The following KITLG variants were observed in gnomAD, a reference collection of about 807,000 sequenced individuals.
KITLG encodes the protein KIT ligand.
Under a neutral mutation model 34.1 loss-of-function variants are expected in KITLG, and 13 were observed. That is an observed-to-expected ratio of 0.38 (90% CI 0.25 to 0.61). The LOEUF (loss-of-function observed/expected upper bound fraction) is 0.61, where lower values mean the gene tolerates loss of function less well. Ranked by LOEUF, KITLG falls within the 20% of genes least tolerant of loss-of-function variation. The pLI, the probability that KITLG is intolerant of heterozygous loss-of-function variation, is 0.60. For missense variants in KITLG, 292 were observed against 318.9 expected, an observed-to-expected ratio of 0.92 and a Z score of 0.64; for synonymous variants, 110 against 104.0, an observed-to-expected ratio of 1.06 and a Z score of -0.35.
At chr12:88,560,023 G>C (rs1871246044) in intron 1 of KITLG, among the ~76,000 whole-genome samples, 1 of 152,204 alleles carries the variant, frequency 6.6e-6, no homozygotes. Context: ...ATCAAAGTAA[G>C]ATATGGATTC....
At chr12:88,559,759 T>C (rs1479076988) in intron 1 of KITLG, among the ~76,000 whole-genome samples, 1 of 152,222 alleles carries the variant, frequency 6.6e-6, no homozygotes, top group Non-Finnish European at 1.5e-5. Context: ...AGGCAATCCA[T>C]GAGAGTTTAA....
Position 88,515,578 on chromosome 12 carries a change from G to A in KITLG, c.560C>T (p.Pro187Leu). 6.2e-7 allele frequency: 1 copy of A among 1,610,756 alleles called. No individual in the cohort carries two copies. The highest frequency in any genetic ancestry group is 8.5e-7 in the Non-Finnish European group (1 of 1,177,462). ...VSVTKPFMLP[P>L]VAASSLRNDS... is the part of the protein sequence containing the mutation. ...ATTCCTAAGGGAGCTGGCTGCAACA[G>A]GGGGTAACATAAATGGTTTTGTGAC... The change falls in exon 6 of 10, where the codon CCT becomes CTT. Residue 187 changes from proline to leucine, a missense_variant. By Grantham distance (98) the Pro-to-Leu change is moderately conservative. This residue lies in a region of KITLG where 140 missense variants were observed against 111.0 expected (regional missense o/e 1.26). Coordinates refer to ENST00000644744, the MANE Select transcript of KITLG (RefSeq NM_000899.5).
intron 1 of KITLG, among the ~76,000 whole-genome samples, chr12:88,575,417 C>G (rs976698256): frequency 6.6e-6 from 1 of 152,050 alleles, no homozygotes; most frequent in African/African-American, 2.4e-5. Flanking sequence ...AAAATCACTC[C>G]CCCACCTCTT....
At chr12:88,534,592 C>G (rs1163370492) in intron 2 of KITLG, 2 of 433,284 alleles carry the variant, frequency 4.6e-6, no homozygotes, top group African/African-American at 2.1e-5. Flanking sequence ...GTCTCAAACT[C>G]CTGGCCTCAA....
chr12:88,518,989 A>C (rs1869560688), intron 3 of KITLG, 122 bp from the exon 4 acceptor site: 2 of 852,682 alleles, frequency 2.3e-6, no homozygotes, highest in South Asian at 2.9e-5. Context: ...CAGCCTCTCG[A>C]GTAGCTCAGA....
chr12:88,530,226 C>T (rs1197862821), intron 3 of KITLG, among the ~76,000 whole-genome samples: 1 of 152,084 alleles, frequency 6.6e-6, no homozygotes, highest in Non-Finnish European at 1.5e-5. Context: ...AACACTTTCC[C>T]TAAGTGTTGT....
At chr12:88,527,059 G>C (rs559755802) in intron 3 of KITLG, among the ~76,000 whole-genome samples, 1 of 151,804 alleles carries the variant, frequency 6.6e-6, no homozygotes, top group Non-Finnish European at 1.5e-5. Context: ...TAGTATAGAC[G>C]GGGTTTCACT....
intron 1 of KITLG, among the ~76,000 whole-genome samples, chr12:88,559,799 G>C (rs965793224): frequency 2.6e-5 from 4 of 152,142 alleles, no homozygotes; most frequent in Non-Finnish European, 5.9e-5. Flanking sequence ...ACACAGCAAA[G>C]CATTTACAGT....
intron 3 of KITLG, among the ~76,000 whole-genome samples, chr12:88,530,021 G>A (rs1285207003): frequency 2.6e-5 from 4 of 152,248 alleles, no homozygotes; most frequent in East Asian, 3.9e-4. Flanking sequence ...ATCACAAGCC[G>A]ACATTGAAAT....
rs188406474 is a variant in KITLG at position 88,575,172 on chromosome 12, C to T, written c.15+5092G>A. Among the ~76,000 whole-genome samples the T allele has an allele frequency of 4.6e-5, 7 of 152,322 alleles. No individual in the cohort carries two copies. In the East Asian group the frequency reaches 7.7e-4, roughly 17 times the overall value. On this transcript the variant is annotated intron_variant, in intron 1 of 9. Transcript: ENST00000644744. ...CTTAGAAATCACCTAGTCTCACTTA[C>T]TCATTTTACAGTTGAGCAAACTAAG...
chr12:88,563,403 C>A (rs1871351802), intron 1 of KITLG, among the ~76,000 whole-genome samples: 1 of 152,198 alleles, frequency 6.6e-6, no homozygotes, highest in Admixed American at 6.5e-5. Context: ...TCTTCAGGGA[C>A]ACACTGGCAT....
At chr12:88,542,219 G>A (rs1283007321) in intron 2 of KITLG, among the ~76,000 whole-genome samples, 1 of 152,050 alleles carries the variant, frequency 6.6e-6, no homozygotes, top group Non-Finnish European at 1.5e-5. Flanking sequence ...CTTCTTTGGG[G>A]TCTTAGATTT....
intron 9 of KITLG, among the ~76,000 whole-genome samples, chr12:88,503,821 C>T (rs1462040604): frequency 3.9e-5 from 6 of 152,088 alleles, no homozygotes; most frequent in African/African-American, 1.2e-4. Flanking sequence ...ATAATTATTA[C>T]TAGTCATGTG....
intron 1 of KITLG, among the ~76,000 whole-genome samples, chr12:88,561,774 T>C (rs1170498484): frequency 6.6e-6 from 1 of 152,202 alleles, no homozygotes; most frequent in African/African-American, 2.4e-5. Context: ...TGGCCTCCTT[T>C]ATGTTCCTGA....
chr12:88,519,813 G>A (rs1473659460), intron 3 of KITLG, among the ~76,000 whole-genome samples: 5 of 151,912 alleles, frequency 3.3e-5, no homozygotes, highest in African/African-American at 1.2e-4. Context: ...TTATATAAAT[G>A]GGATCTTGCT....
In KITLG at chr12:88,578,992, G is replaced by A. The variant is rs182145883; in HGVS notation, c.15+1272C>T. On this transcript the variant is annotated intron_variant, in intron 1 of 9. Transcript: ENST00000644744. Reference sequence around the variant, plus strand: ...AAGCTAACCTGCTTGTAAGAGAGGGGAGAGGCACATCGCGTCTTTTCTCTT... The same window carrying A: ...AAGCTAACCTGCTTGTAAGAGAGGGAAGAGGCACATCGCGTCTTTTCTCTT... Among the ~76,000 whole-genome samples the A allele has an allele frequency of 6.6e-5, 10 of 152,288 alleles. No homozygotes were observed. The East Asian group carries it at 1.4e-3, about 21-fold the overall frequency.
chr12:88,511,222 C>A (rs963596545), intron 6 of KITLG, among the ~76,000 whole-genome samples: 3 of 152,132 alleles, frequency 2.0e-5, no homozygotes, highest in Non-Finnish European at 4.4e-5. Context: ...ACTTTTGTTT[C>A]CAAATACGAT....
At chr12:88,563,962 C>CA (rs528082425) in intron 1 of KITLG, among the ~76,000 whole-genome samples, 98,534 of 149,302 alleles carry the variant, frequency 0.66, 35,916 homozygotes, top group Middle Eastern at 0.86. Flanking sequence ...AACTCCATCT[C>CA]AAAAAAAAAG....
At chr12:88,519,004 A>C in intron 3 of KITLG, 137 bp from the exon 4 acceptor site, 1 of 754,496 alleles carries the variant, frequency 1.3e-6, no homozygotes, top group Non-Finnish European at 2.2e-6. Context: ...CTCAGATTAC[A>C]AGTGCCTGCC....
Sources: allele counts gnomAD v4.1 joint callset (sites outside exome capture counted in the v4.1 genomes callset), GRCh38; gene constraint gnomAD v4.1.1; regional missense constraint gnomAD v4.1.1; transcripts MANE v1.5; gene names NCBI Gene and HGNC (gene_info 2026-07-23, HGNC 2026-07-21).